CDK13: variants seen among roughly 807,000 people sequenced by gnomAD.
The protein encoded by CDK13 is cyclin dependent kinase 13.
A neutral mutation model predicts 137.6 loss-of-function variants in CDK13; 40 were observed. The observed-to-expected ratio is 0.29, with a 90% CI of 0.23 to 0.38. The LOEUF (loss-of-function observed/expected upper bound fraction) is 0.38, where lower values mean the gene tolerates loss of function less well. Ranked by LOEUF, CDK13 falls within the 10% of genes least tolerant of loss-of-function variation. The pLI is 1.00. For synonymous variants in CDK13, 869 were observed against 760.1 expected (o/e 1.14, Z -2.36); for missense variants, 1,704 against 1,951.8 (o/e 0.87, Z 2.39).
chr7:39,951,310 C>G lies in CDK13; in HGVS notation c.669C>G (p.Arg223=), dbSNP rs1228302458. ...AGCACCGGCGGCGGGATGGGCAGCG[C>G]GGTGGCAGCGAGGCCTCCAAGTCCC... is the stretch of plus-strand genomic sequence containing the variant. ...HREHRRRDGQ[R]GGSEASKSRS... Residue 223 remains arginine, a synonymous_variant, in exon 1 of 14, where the codon CGC becomes CGG. Coordinates refer to ENST00000181839, the MANE Select transcript of CDK13 (RefSeq NM_003718.5). 1 of 1,397,288 alleles carries G rather than the reference C, an allele frequency of 7.2e-7. No individual in the cohort carries two copies. The highest frequency in any genetic ancestry group is 9.2e-7 in the Non-Finnish European group (1 of 1,086,024). 86.6% of individuals were successfully genotyped at this position (1,397,288 alleles called of 1,614,324 possible).
chr7:39,994,519 T>C (rs1040615340), intron 2 of CDK13, among the ~76,000 whole-genome samples: 6 of 152,164 alleles, frequency 3.9e-5, no homozygotes, highest in Non-Finnish European at 8.8e-5. Flanking sequence ...AATTTCTATT[T>C]TAGGGGCAGA....
Position 39,951,370 on chromosome 7 carries a change from C to T in CDK13, c.729C>T (p.Ala243=), listed in dbSNP as rs773945365. ...SRHSHSGEER[A]EVAKSGSSSS... is the part of the protein sequence containing the mutation. The stretch of plus-strand genomic sequence containing the variant: ...ACAGCCACAGCGGCGAGGAACGGGC[C>T]GAGGTCGCCAAGAGCGGCAGCAGCA... Residue 243 remains alanine (A), a synonymous_variant, in exon 1 of 14, where the codon GCC becomes GCT. Transcript: ENST00000181839. 4 of 1,515,310 alleles carry T rather than the reference C, an allele frequency of 2.6e-6. No homozygotes were observed. Among genetic ancestry groups the T allele is most frequent in the African/African-American group, 1.4e-5 (1 of 70,174 alleles). The allele number at this position is 1,515,310 out of a possible 1,614,324, so 93.9% of individuals were successfully genotyped here. A position where few individuals can be genotyped will look rare whatever the true frequency, so the allele number is the denominator to read the frequency against.
chr7:39,960,951 A>G (rs766428971), intron 1 of CDK13, among the ~76,000 whole-genome samples: 5 of 152,362 alleles, frequency 3.3e-5, no homozygotes, highest in East Asian at 3.9e-4. Context: ...GAGGGCTTCA[A>G]TCAAGATAAT....
At chr7:39,988,734 A>G (rs1430171448) in intron 2 of CDK13, among the ~76,000 whole-genome samples, 1 of 152,174 alleles carries the variant, frequency 6.6e-6, no homozygotes, top group Non-Finnish European at 1.5e-5. Flanking sequence ...TTAATTAAAA[A>G]AAAATTTTTT....
At chr7:40,045,566 A>G (rs559965931) in intron 5 of CDK13, among the ~76,000 whole-genome samples, 2 of 151,636 alleles carry the variant, frequency 1.3e-5, no homozygotes, top group Admixed American at 6.6e-5. Context: ...AAACTATACA[A>G]TATGGAGAAC....
chr7:40,021,366 C>T (rs979623225), intron 5 of CDK13, among the ~76,000 whole-genome samples: 5 of 149,472 alleles, frequency 3.3e-5, no homozygotes, highest in African/African-American at 9.8e-5. Flanking sequence ...CTTCGTGTTG[C>T]ATGCCTGTAG....
chr7:40,020,001 T>C (rs1785079228), intron 5 of CDK13, among the ~76,000 whole-genome samples: 1 of 152,220 alleles, frequency 6.6e-6, no homozygotes. Flanking sequence ...GCTTTAAATG[T>C]GTTTTCTGAA....
chr7:40,077,705 A>C (rs1786576460), intron 9 of CDK13, among the ~76,000 whole-genome samples: 1 of 151,876 alleles, frequency 6.6e-6, no homozygotes, highest in Admixed American at 6.6e-5. Flanking sequence ...AAATACAAAA[A>C]CTAGCTGGGC....
At chr7:40,014,056 G>GTTT (rs1431672361) in intron 5 of CDK13, among the ~76,000 whole-genome samples, 1 of 105,450 alleles carries the variant, frequency 9.5e-6, no homozygotes, top group African/African-American at 3.8e-5. Flanking sequence ...ATGCTGTCTT[G>GTTT]TCTTTTTTTT....
chr7:40,014,955 T>C (rs1415960463), intron 5 of CDK13, among the ~76,000 whole-genome samples: 1 of 152,172 alleles, frequency 6.6e-6, no homozygotes, highest in Non-Finnish European at 1.5e-5. Context: ...GATCAATAAA[T>C]TTTTTTGAGG....
chr7:40,010,131 ATAAT>A (rs1396648525), intron 5 of CDK13, among the ~76,000 whole-genome samples: 1 of 152,130 alleles, frequency 6.6e-6, no homozygotes, highest in African/African-American at 2.4e-5. Context: ...ATATAATAAA[ATAAT>A]TAACAACTCA....
chr7:40,045,562 T>C (rs1438795913), intron 5 of CDK13, among the ~76,000 whole-genome samples: 1 of 151,446 alleles, frequency 6.6e-6, no homozygotes. Flanking sequence ...CTAGAAACTA[T>C]ACAATATGGA....
Position 40,094,896 on chromosome 7 carries a change from C to T in CDK13, c.4455C>T (p.Ala1485=). The T allele has an allele frequency of 6.6e-7, 1 of 1,510,302 alleles. No individual in the cohort carries two copies. Among genetic ancestry groups the T allele is most frequent in the African/African-American group, 1.4e-5 (1 of 71,602 alleles). 93.6% of individuals were successfully genotyped at this position (1,510,302 alleles called of 1,614,324 possible). Residue 1485 remains alanine, a synonymous_variant, in exon 14 of 14, where the codon GCC becomes GCT. Transcript: ENST00000181839. ...LMHGQTWTSP[A]QGPGYSQGYR... ...ATGGACAGACCTGGACTTCTCCTGC[C>T]CAAGGACCTGGATATTCACAAGGAT...
intron 1 of CDK13, among the ~76,000 whole-genome samples, chr7:39,966,809 CTTG>C (rs1190402273): frequency 6.6e-6 from 1 of 152,034 alleles, no homozygotes; most frequent in African/African-American, 2.4e-5. Context: ...GTCCTTTCTG[CTTG>C]TTAGCTTTCC....
At chr7:40,035,204 A>G (rs1371207232) in intron 5 of CDK13, among the ~76,000 whole-genome samples, 1 of 152,208 alleles carries the variant, frequency 6.6e-6, no homozygotes, top group African/African-American at 2.4e-5. Flanking sequence ...TTAATTTTTA[A>G]ATACAATATC....
rs184657048 is a variant in CDK13 at position 40,030,455 on chromosome 7, A to G, written c.2354-15381A>G. ...TTTTTTTTTTTTTTTTTTTTGAGAT[A>G]AGAGTCTTGGTCTGACACCCAGGCT... is the stretch of plus-strand genomic sequence containing the variant. On this transcript the variant is annotated intron_variant, in intron 5 of 13. Coordinates refer to ENST00000181839, the MANE Select transcript of CDK13 (RefSeq NM_003718.5). 2.1e-3 allele frequency among the ~76,000 whole-genome samples: 275 copies of G among 132,122 alleles called. 5 individuals are homozygous for G. Among genetic ancestry groups the G allele is most frequent in the Admixed American group, 0.018 (233 of 12,704 alleles). The allele number at this position is 132,122 out of a possible 152,430, so 86.7% of individuals were successfully genotyped here.
chr7:40,010,894 A>G (rs1323506704), intron 5 of CDK13, among the ~76,000 whole-genome samples: 1 of 152,206 alleles, frequency 6.6e-6, no homozygotes. Flanking sequence ...AGAATTAAGA[A>G]AACAATTTAA....
chr7:39,987,614 C>G lies in CDK13; in HGVS notation c.1227C>G (p.Ser409=), dbSNP rs773142134. 1 of 1,586,870 alleles carries G rather than the reference C, an allele frequency of 6.3e-7. No individual in the cohort carries two copies. Among genetic ancestry groups the G allele is most frequent in the Non-Finnish European group, 8.5e-7 (1 of 1,170,810 alleles). ...TTCTCACCAGACGGTCTGGAAAATC[C>G]CGAAGCAGAAGCCCGTATTCATCTA... ...YSPVLRRSGK[S]RSRSPYSSRH... Residue 409 remains serine, a synonymous_variant, in exon 2 of 14, where the codon TCC becomes TCG. Transcript: ENST00000181839.
At chr7:39,954,974 C>G (rs1157904636) in intron 1 of CDK13, among the ~76,000 whole-genome samples, 1 of 152,106 alleles carries the variant, frequency 6.6e-6, no homozygotes, top group Non-Finnish European at 1.5e-5. Context: ...TAGTGATTTC[C>G]ACTTCACAAC....
Sources: allele counts gnomAD v4.1 joint callset (sites outside exome capture counted in the v4.1 genomes callset), GRCh38; gene constraint gnomAD v4.1.1; transcripts MANE v1.5; gene names NCBI Gene and HGNC (gene_info 2026-07-23, HGNC 2026-07-21).